The following TRPV1 variants were observed in gnomAD, a reference collection of about 807,000 sequenced individuals.
The protein encoded by TRPV1 is transient receptor potential cation channel subfamily V member 1.
A neutral mutation model predicts 82.3 loss-of-function variants in TRPV1; 82 were observed. The observed-to-expected ratio is 1.00, with a 90% CI of 0.83 to 1.20. TRPV1 has a LOEUF of 1.20. TRPV1 is among the 50% of genes most tolerant of loss of function. The probability of loss-of-function intolerance (pLI) is 0.00; values close to 1 mark genes in which losing one functional copy is unlikely to be tolerated. For synonymous variants in TRPV1, 515 were observed against 467.7 expected, an observed-to-expected ratio of 1.10 and a Z score of -1.30; for missense variants, 1,067 against 1,096.8, an observed-to-expected ratio of 0.97 and a Z score of 0.38.
At chr17:3,592,039 G>C (rs750365784) in intron 3 of TRPV1, 28 bp downstream of exon 3, 4 of 1,600,926 alleles carry the variant, frequency 2.5e-6, no homozygotes, top group Admixed American at 3.4e-5. Context: ...GCTCCCAGCA[G>C]GGAGGGGGGC....
At chr17:3,580,423 G>C (rs138449324) in intron 11 of TRPV1, 34 bp downstream of exon 11, 27 of 1,611,840 alleles carry the variant, frequency 1.7e-5, no homozygotes, top group Non-Finnish European at 2.2e-5. Flanking sequence ...GTCACCTGGG[G>C]ACTGGACTGG....
rs201833347 is a variant in TRPV1 at position 3,590,022 on chromosome 17, C to G, written c.829G>C (p.Asp277His). Residue 277 changes from aspartate (D) to histidine (H), a missense_variant, in exon 7 of 17, where the codon GAC becomes CAC. Asp to His is a moderately conservative substitution (Grantham distance 81, BLOSUM62 -1). Coordinates refer to ENST00000572705, the MANE Select transcript of TRPV1 (RefSeq NM_080704.4). ...FLLQNSWQTA[D>H]ISARDSVGNT... ...CCCACCGAGTCCCTGGCGCTGATGTCGGCCGTCTGCCAGGAGTTCTGCAGC... is the reference window on the plus strand; with the variant it reads ...CCCACCGAGTCCCTGGCGCTGATGTGGGCCGTCTGCCAGGAGTTCTGCAGC... 1 of 1,568,790 alleles carries G rather than the reference C, an allele frequency of 6.4e-7. No individual in the cohort carries two copies. Among genetic ancestry groups the G allele is most frequent in the Non-Finnish European group, 8.6e-7 (1 of 1,157,592 alleles).
At chr17:3,571,414 T>C (rs2074851235) in intron 16 of TRPV1, 110 bp downstream of exon 16, 2 of 839,504 alleles carry the variant, frequency 2.4e-6, no homozygotes, top group Non-Finnish European at 3.8e-6. Flanking sequence ...AGCGCCCGGG[T>C]CCTGGGGGGA....
In TRPV1 at chr17:3,583,401, G is replaced by A. The variant is rs2075045894; in HGVS notation, c.1413C>T (p.Asp471=). The stretch of plus-strand genomic sequence containing the variant: ...GGATCTCTCCAGTAACTCGGAAATA[G>A]TCTCCAGTTTTTTCCATCTTAAAGG... ...LPPFKMEKTG[D]YFRVTGEILS... Residue 471 remains aspartate, a synonymous_variant, in exon 10 of 17, where the codon GAC becomes GAT. Transcript: ENST00000572705. 6.2e-7 allele frequency: 1 copy of A among 1,609,206 alleles called. No homozygotes were observed. Among genetic ancestry groups the A allele is most frequent in the African/African-American group, 1.3e-5 (1 of 74,884 alleles).
intron 8 of TRPV1, 46 bp from the exon 9 acceptor site, chr17:3,585,972 TC>T (rs1318023367): frequency 3.7e-6 from 6 of 1,608,534 alleles, no homozygotes; most frequent in Non-Finnish European, 5.1e-6. Flanking sequence ...CAGCAGGAAC[TC>T]CTCGCACGCC....
In TRPV1 at chr17:3,592,229, G is replaced by C. The variant is rs373026968; in HGVS notation, c.122C>G (p.Ser41Cys). 1 of 1,611,824 alleles carries C rather than the reference G, an allele frequency of 6.2e-7. No individual in the cohort carries two copies. Among genetic ancestry groups the C allele is most frequent in the East Asian group, 2.2e-5 (1 of 44,784 alleles). Residue 41 changes from serine (S) to cysteine (C), a missense_variant, in exon 3 of 17, where the codon TCC (serine) becomes TGC (cysteine). By Grantham distance (112) the Ser-to-Cys change is moderately radical (BLOSUM62 -1). Transcript: ENST00000572705. ...GAGCCGGGTGCGGCTCTTGGCCGTG[G>C]AGAGCTGGGGCTTGGCTGGAGGTGG... ...SRPPPAKPQL[S>C]TAKSRTRLFG...
chr17:3,601,417 G>A (rs1041031007), intron 2 of TRPV1, among the ~76,000 whole-genome samples: 3 of 149,222 alleles, frequency 2.0e-5, no homozygotes, highest in Non-Finnish European at 3.0e-5. Context: ...CTCTCCCACC[G>A]AAACCCACCT....
intron 16 of TRPV1, among the ~76,000 whole-genome samples, chr17:3,567,369 C>CAAAAAAAAAAA (rs56391405): frequency 7.6e-5 from 4 of 52,794 alleles, no homozygotes; most frequent in Non-Finnish European, 1.1e-4. Flanking sequence ...AACTCCGTCT[C>CAAAAAAAAAAA]AAAAAAAAAA....
chr17:3,584,472 G>A (rs937934302), intron 9 of TRPV1, among the ~76,000 whole-genome samples: 4 of 150,680 alleles, frequency 2.7e-5, no homozygotes, highest in Admixed American at 1.3e-4. Context: ...ACAGAAATCG[G>A]GTTTCATGCA....
chr17:3,581,799 C>T lies in TRPV1; in HGVS notation c.1477-1272G>A, dbSNP rs1368849716. 2.1e-5 allele frequency among the ~76,000 whole-genome samples: 3 copies of T among 141,996 alleles called. 1 individual carries two copies. Among genetic ancestry groups the T allele is most frequent in the East Asian group, 4.6e-4 (2 of 4,328 alleles). The allele number at this position is 141,996 out of a possible 152,430, so 93.2% of individuals were successfully genotyped here. ...ACTCGGGAGGCTGAGGCAGGAGAAT[C>T]ACTTGAACCCAGGAGGTGGAGGTTG... On this transcript the variant is annotated intron_variant, in intron 10 of 16. Transcript: ENST00000572705.
At chr17:3,586,728 C>A (rs1405639438) in intron 8 of TRPV1, among the ~76,000 whole-genome samples, 4 of 152,066 alleles carry the variant, frequency 2.6e-5, no homozygotes, top group African/African-American at 9.7e-5. Context: ...GCTGAGATCA[C>A]GCCATTGCAC....
intron 2 of TRPV1, among the ~76,000 whole-genome samples, chr17:3,601,094 G>C (rs2075259136): frequency 6.6e-6 from 1 of 151,730 alleles, no homozygotes; most frequent in Non-Finnish European, 1.5e-5. Context: ...CCCTGCAGCA[G>C]TCCCTGCCTG....
chr17:3,575,998 GCAGA>G (rs2074923204), intron 13 of TRPV1, among the ~76,000 whole-genome samples: 1 of 151,924 alleles, frequency 6.6e-6, no homozygotes, highest in East Asian at 1.9e-4. Context: ...GCCGAGGCGG[GCAGA>G]TCACTTGAGG....
intron 11 of TRPV1, chr17:3,578,050 A>T (rs559897578): frequency 2.7e-5 from 7 of 257,494 alleles, no homozygotes; most frequent in Non-Finnish European, 5.4e-5. Context: ...CACGCCTTTA[A>T]TCCCAGCTCT....
rs1289547636 is a variant in TRPV1, at chr17:3,573,701, G to A, written c.2035C>T (p.Leu679Phe). 6.2e-7 allele frequency: 1 copy of A among 1,614,116 alleles called. No individual in the cohort carries two copies. The highest frequency in any genetic ancestry group is 8.5e-7 in the Non-Finnish European group (1 of 1,180,026). ...ACAGTCTCACCCATGAGGGCGATGA[G>A]CATGTTGAGCAGGAGGATGTAGGTG... ...ILTYILLLNM[L>F]IALMGETVNK... The change falls in exon 14 of 17, where the codon CTC (leucine) becomes TTC (phenylalanine). Residue 679 changes from leucine (L) to phenylalanine (F), a missense_variant. Physicochemically the swap from Leu to Phe is conservative, Grantham distance 22. Coordinates refer to ENST00000572705, the MANE Select transcript of TRPV1 (RefSeq NM_080704.4).
rs1350096145 is a variant in TRPV1 at position 3,588,261 on chromosome 17, T to C, written c.1151A>G (p.Asp384Gly). The change falls in exon 8 of 17, where the codon GAC becomes GGC. Residue 384 changes from aspartate to glycine, a missense_variant. Coordinates refer to ENST00000572705, the MANE Select transcript of TRPV1 (RefSeq NM_080704.4). ...CTCGCAGGTGTCGATGCAGGACAGGTCGTACAGCGAGGAGTGCACGGGCCC... is the reference window on the plus strand; with the variant it reads ...CTCGCAGGTGTCGATGCAGGACAGGCCGTACAGCGAGGAGTGCACGGGCCC... Reference protein sequence around the residue: ...AYGPVHSSLYDLSCIDTCEKN... With the variant: ...AYGPVHSSLYGLSCIDTCEKN... 16 of 1,583,028 alleles carry C rather than the reference T, an allele frequency of 1.0e-5. No homozygotes were observed. Among genetic ancestry groups the C allele is most frequent in the Non-Finnish European group, 1.4e-5 (16 of 1,165,336 alleles).
Position 3,580,337 on chromosome 17 carries a change from C to T in TRPV1, c.1547+120G>A, listed in dbSNP as rs987901613. ...TATGTATTCAGTGCCTTCCGTCATT[C>T]CCTCAGCATGTTCACTGAGGTCCCA... On this transcript the variant is annotated intron_variant, in intron 11 of 16. Transcript: ENST00000572705. The T allele has an allele frequency of 1.0e-5, 10 of 989,572 alleles. No individual in the cohort carries two copies. The Admixed American group carries it at 1.2e-4, about 12-fold the overall frequency. 61.3% of individuals were successfully genotyped at this position (989,572 alleles called of 1,614,324 possible). A position where few individuals can be genotyped will look rare whatever the true frequency, so the allele number is the denominator to read the frequency against.
At chr17:3,582,042 T>C (rs1441031870) in intron 10 of TRPV1, among the ~76,000 whole-genome samples, 3 of 146,934 alleles carry the variant, frequency 2.0e-5, no homozygotes, top group African/African-American at 7.5e-5. Context: ...TACAAAAAAT[T>C]AGCCGGGCGT....
At chr17:3,568,149 C>T (rs1018866017) in intron 16 of TRPV1, among the ~76,000 whole-genome samples, 34 of 151,884 alleles carry the variant, frequency 2.2e-4, no homozygotes, top group South Asian at 6.2e-4. Context: ...GGTGAAACCC[C>T]GTCTCTACTA....
Sources: gnomAD v4.1 joint callset for allele counts (sites outside exome capture counted in the v4.1 genomes callset) on GRCh38, gnomAD v4.1.1 for gene constraint, MANE v1.5 for transcripts, NCBI Gene and HGNC (gene_info 2026-07-23, HGNC 2026-07-21) for gene names.